PAX6: variants seen among roughly 807,000 people sequenced by gnomAD.
PAX6 encodes paired box protein Pax-6.
PAX6 carries 7 observed loss-of-function variants against 60.7 expected under a neutral mutation model. The observed-to-expected ratio is 0.12, with a 90% confidence interval of 0.07 to 0.22. The LOEUF is 0.22. PAX6 is among the 10% of genes least tolerant of loss of function. PAX6 has a pLI of 1.00. For synonymous variants in PAX6, 208 were observed against 201.2 expected (o/e 1.03, Z -0.29); for missense variants, 355 against 555.2 (o/e 0.64, Z 3.62).
intron 2 of PAX6, 88 bp downstream of exon 2, chr11:31,810,740 G>C (rs758241843): frequency 2.5e-6 from 1 of 397,992 alleles, no homozygotes; most frequent in Non-Finnish European, 4.4e-6. Flanking sequence ...GGGGACCGGC[G>C]AGAGGGGAGG....
At position 31,806,859 on chromosome 11, in the gene PAX6, G is replaced by T; in HGVS notation, c.-62C>A. On this transcript the variant is annotated 5_prime_UTR_variant, in exon 3 of 14. Transcript: ENST00000640368. ...CACCACAGAACTTGCCTGAAATCTC[G>T]GATGTCTGTCCACTCTCACAATAAA... 1 of 167,174 alleles carries T rather than the reference G, an allele frequency of 6.0e-6. No homozygotes were observed. 10.4% of individuals were successfully genotyped at this position (167,174 alleles called of 1,614,324 possible).
upstream of PAX6, among the ~76,000 whole-genome samples, chr11:31,813,892 C>T (rs535475321): frequency 6.6e-6 from 1 of 152,276 alleles, no homozygotes; most frequent in Admixed American, 6.5e-5. Flanking sequence ...GCCTCACTCC[C>T]TCTGCCAAGT....
chr11:31,795,559 T>A (rs1051024306), intron 8 of PAX6, among the ~76,000 whole-genome samples: 34 of 152,242 alleles, frequency 2.2e-4, no homozygotes, highest in Admixed American at 3.3e-4. Context: ...CGTGTAATTT[T>A]AAAAAAGAAA....
chr11:31,801,840 T>G, intron 6 of PAX6, 31 bp downstream of exon 6: 3 of 1,614,100 alleles, frequency 1.9e-6, no homozygotes, highest in Non-Finnish European at 2.5e-6. Flanking sequence ...ATAAAATTGT[T>G]TAAGTATGCA....
rs1949095890 is a variant in PAX6 at position 31,789,582 on chromosome 11, A to C, written c.*352T>G. ...GTTGATCATGGTTTTCTTTTTAAAAAAAAAAAAAACAACTTCATGACCAAC... is the reference window on the plus strand; with the variant it reads ...GTTGATCATGGTTTTCTTTTTAAAACAAAAAAAAACAACTTCATGACCAAC... On this transcript the variant is annotated 3_prime_UTR_variant, in exon 14 of 14. Transcript: ENST00000640368. The C allele has an allele frequency of 1.6e-6, 1 of 606,464 alleles. No homozygotes were observed. Among genetic ancestry groups the C allele is most frequent in the Non-Finnish European group, 2.9e-6 (1 of 344,684 alleles). 37.6% of individuals were successfully genotyped at this position (606,464 alleles called of 1,614,324 possible). A position where few individuals can be genotyped will look rare whatever the true frequency, so the allele number is the denominator to read the frequency against.
At chr11:31,792,957 A>G in intron 12 of PAX6, 1 of 398,466 alleles carries the variant, frequency 2.5e-6, no homozygotes, top group South Asian at 3.2e-5. Flanking sequence ...TATGAATCCC[A>G]TTTCTGATCC....
intron 1 of PAX6, chr11:31,816,686 G>A (rs1485220445): frequency 3.2e-6 from 2 of 631,948 alleles, no homozygotes; most frequent in Non-Finnish European, 5.6e-6. Context: ...CCCGTTTCCA[G>A]GTGAGGTGAG....
intron 9 of PAX6, 140 bp from the exon 10 acceptor site, chr11:31,794,254 G>A (rs1394575528): frequency 2.7e-6 from 2 of 751,686 alleles, no homozygotes; most frequent in East Asian, 5.1e-5. Flanking sequence ...AGTGTTGACT[G>A]TACTTGGAAG....
intron 12 of PAX6, chr11:31,792,044 C>T (rs977308534): frequency 3.9e-5 from 6 of 152,216 alleles, no homozygotes; most frequent in African/African-American, 1.4e-4. Context: ...ATTATTTTCT[C>T]ACATACACAT....
chr11:31,796,539 A>C lies in PAX6; in HGVS notation c.566-1751T>G, dbSNP rs555364077. Among the ~76,000 whole-genome samples, 141 of 134,126 alleles carry C rather than the reference A, an allele frequency of 1.1e-3. 1 individual carries two copies. The highest frequency in any genetic ancestry group is 1.3e-3 in the Non-Finnish European group (86 of 65,076). 88.0% of individuals were successfully genotyped at this position (134,126 alleles called of 152,430 possible). ...GAGGCAGGGAGAGTGGACGGGGACCAGGGCTGGGTTCCTACATAGAGGAGA... is the reference window on the plus strand; with the variant it reads ...GAGGCAGGGAGAGTGGACGGGGACCCGGGCTGGGTTCCTACATAGAGGAGA... On this transcript the variant is annotated intron_variant, in intron 8 of 13. Transcript: ENST00000640368.
intron 8 of PAX6, among the ~76,000 whole-genome samples, chr11:31,795,117 C>T (rs1245384801): frequency 6.6e-6 from 1 of 152,180 alleles, no homozygotes; most frequent in African/African-American, 2.4e-5. Context: ...CCACTCCCTA[C>T]AGAATCTCTT....
At chr11:31,815,665 A>G (rs1299653424), upstream of PAX6, among the ~76,000 whole-genome samples, 1 of 152,040 alleles carries the variant, frequency 6.6e-6, no homozygotes, top group Non-Finnish European at 1.5e-5. Context: ...CTGCCTGTTA[A>G]TCAAGGCACT....
Position 31,790,119 on chromosome 11 carries a change from A to AC in PAX6, c.1226-101_1226-100insG, listed in dbSNP as rs1250594208. The AC allele has an allele frequency of 6.1e-4, 467 of 771,874 alleles. 7 individuals are homozygous for AC. The African/African-American group carries it at 8.0e-3, about 13-fold the overall frequency. The allele number at this position is 771,874 out of a possible 1,614,324, so 47.8% of individuals were successfully genotyped here. A position where few individuals can be genotyped will look rare whatever the true frequency, so the allele number is the denominator to read the frequency against. Reference sequence around the variant, plus strand: ...TTACAAAAAAAAAAAAAAAAAAAAAAACTAATACTTTCTAACATTTTTTAC... The same window carrying AC: ...TTACAAAAAAAAAAAAAAAAAAAAAACACTAATACTTTCTAACATTTTTTAC... On this transcript the variant is annotated intron_variant, in intron 13 of 13. Transcript: ENST00000640368.
chr11:31,815,965 C>T (rs1957356543), upstream of PAX6, among the ~76,000 whole-genome samples: 1 of 152,134 alleles, frequency 6.6e-6, no homozygotes, highest in Non-Finnish European at 1.5e-5. Flanking sequence ...AATTCTCAGC[C>T]CGCGCGGCCC....
At position 31,791,129 on chromosome 11, in the gene PAX6, A is replaced by G. The variant is rs1029130263; in HGVS notation, c.1075-269T>C. 1.7e-5 allele frequency: 9 copies of G among 526,000 alleles called. No homozygotes were observed. The African/African-American group carries it at 1.7e-4, about 10-fold the overall frequency. The allele number at this position is 526,000 out of a possible 1,614,324, so 32.6% of individuals were successfully genotyped here. ...TCCAGCTAGATGGTTGCCACTATCC[A>G]TAAATTAATAGGATTTTTGTCTCTA... On this transcript the variant is annotated intron_variant, in intron 12 of 13. Transcript: ENST00000640368.
At chr11:31,809,755 A>T (rs1175571793) in intron 2 of PAX6, 1 of 152,254 alleles carries the variant, frequency 6.6e-6, no homozygotes, top group African/African-American at 2.4e-5. Flanking sequence ...ATGCTTTCAT[A>T]CAGATTTATT....
intron 4 of PAX6, 159 bp downstream of exon 4, chr11:31,806,243 G>T: frequency 4.4e-6 from 3 of 685,268 alleles, no homozygotes; most frequent in Non-Finnish European, 7.0e-6. Context: ...CCCCTCCCGG[G>T]CTGCCGGGCG....
chr11:31,791,409 TG>T lies in PAX6; in HGVS notation c.1075-550del, dbSNP rs533610632. On this transcript the variant is annotated intron_variant, in intron 12 of 13. Transcript: ENST00000640368. ...GACCCCAAGTTAAAGTGATCAGAAGTGTTAGTAAATATAACGACCTCCATCC... is the reference window on the plus strand; with the variant it reads ...GACCCCAAGTTAAAGTGATCAGAAGTTTAGTAAATATAACGACCTCCATCC... 9.1e-5 allele frequency: 16 copies of T among 175,634 alleles called. No individual in the cohort carries two copies. The South Asian group carries it at 1.7e-3, about 19-fold the overall frequency. The allele number at this position is 175,634 out of a possible 1,614,324, so 10.9% of individuals were successfully genotyped here.
At chr11:31,797,009 C>T (rs1592470021) in intron 8 of PAX6, among the ~76,000 whole-genome samples, 2 of 152,242 alleles carry the variant, frequency 1.3e-5, no homozygotes, top group East Asian at 3.9e-4. Context: ...AATGAAGCGA[C>T]CACCCCCACC....
Sources: gnomAD v4.1 joint callset for allele counts (sites outside exome capture counted in the v4.1 genomes callset) on GRCh38, gnomAD v4.1.1 for gene constraint, MANE v1.5 for transcripts, NCBI Gene and HGNC (gene_info 2026-07-23, HGNC 2026-07-21) for gene names.